Variants in TRIM9 observed in about 807,000 individuals in gnomAD.
TRIM9 encodes the protein E3 ubiquitin-protein ligase TRIM9.
In TRIM9, 26 loss-of-function variants were observed where a neutral mutation model predicts 78.3. That is an observed-to-expected ratio of 0.33 (90% CI 0.24 to 0.46). The LOEUF (loss-of-function observed/expected upper bound fraction) is 0.46. TRIM9 is among the 20% of genes least tolerant of loss of function. The probability of loss-of-function intolerance (pLI) is 1.00; values close to 1 mark genes in which losing one functional copy is unlikely to be tolerated. For synonymous variants in TRIM9, 398 were observed against 416.5 expected (o/e 0.96, Z 0.54); for missense variants, 787 against 1,036.4 (o/e 0.76, Z 3.30).
chr14:51,059,687 A>G (rs1007754970), intron 1 of TRIM9, among the ~76,000 whole-genome samples: 3 of 151,966 alleles, frequency 2.0e-5, no homozygotes, highest in African/African-American at 7.3e-5. Context: ...AGTCCTAGCT[A>G]CTTGGGAGGC....
At position 50,981,470 on chromosome 14, in the gene TRIM9, A is replaced by T. The variant is rs574595197; in HGVS notation, c.2162+330T>A. ...TTCAAAAAACGAAGTAACTTGCCCA[A>T]AAGTGCTTTTCTGTTAAGTTGTAGG... On this transcript the variant is annotated intron_variant, in intron 11 of 12. Coordinates refer to ENST00000684578, the MANE Select transcript of TRIM9 (RefSeq NM_001387360.1). 2.6e-5 allele frequency among the ~76,000 whole-genome samples: 4 copies of T among 152,310 alleles called. No homozygotes were observed. The South Asian group carries it at 8.3e-4, about 32-fold the overall frequency.
At chr14:50,979,149 T>C (rs1023868893) in intron 12 of TRIM9, 2 of 1,411,744 alleles carry the variant, frequency 1.4e-6, no homozygotes, top group Admixed American at 2.9e-5. Context: ...ATGAAGAGAA[T>C]TCTAGTTTCC....
chr14:50,996,196 C>T (rs1434133773), intron 7 of TRIM9: 15 of 983,968 alleles, frequency 1.5e-5, no homozygotes, highest in African/African-American at 1.7e-5. Context: ...TATTTGTACA[C>T]AATATATAAA....
chr14:50,985,880 A>G, intron 8 of TRIM9, 76 bp downstream of exon 8: 1 of 1,299,250 alleles, frequency 7.7e-7, no homozygotes, highest in Non-Finnish European at 1.0e-6. Flanking sequence ...CATGAATGGC[A>G]AGAACAAGAC....
intron 7 of TRIM9, among the ~76,000 whole-genome samples, chr14:50,993,849 AC>A (rs1400966542): frequency 7.9e-5 from 12 of 152,310 alleles, no homozygotes; most frequent in Admixed American, 7.2e-4. Context: ...CCTGGATCTG[AC>A]ATATTATTAT....
chr14:51,014,232 T>C (rs2056901151), intron 3 of TRIM9, among the ~76,000 whole-genome samples: 1 of 152,136 alleles, frequency 6.6e-6, no homozygotes, highest in Non-Finnish European at 1.5e-5. Flanking sequence ...TCAAGCATGG[T>C]TTATTGGGTG....
At chr14:50,996,800 G>C in intron 7 of TRIM9, 1 of 985,386 alleles carries the variant, frequency 1.0e-6, no homozygotes, top group Non-Finnish European at 1.2e-6. Context: ...ACTCCAAATG[G>C]GAACAGGTCA....
In TRIM9 at chr14:50,979,435, G is replaced by C; in HGVS notation, c.2277C>G (p.Asn759Lys). Residue 759 changes from asparagine to lysine, a missense_variant, in exon 12 of 13, where the codon AAC becomes AAG. By Grantham distance (94) the Asn-to-Lys change is moderately conservative (BLOSUM62 0). Coordinates refer to ENST00000684578, the MANE Select transcript of TRIM9 (RefSeq NM_001387360.1). ...CCGCAGGGAAGAAGAGGCCCTCCAC[G>C]TTATCAAATGCTATGGGACCTTGTT... is the stretch of plus-strand genomic sequence containing the variant. ...DEQQGPIAFD[N>K]VEGLFFPAVS... is the part of the protein sequence containing the mutation. The C allele has an allele frequency of 6.2e-7, 1 of 1,614,152 alleles. No homozygotes were observed. Among genetic ancestry groups the C allele is most frequent in the Non-Finnish European group, 8.5e-7 (1 of 1,180,026 alleles).
chr14:51,011,759 T>C (rs1361306151), intron 3 of TRIM9, among the ~76,000 whole-genome samples: 2 of 152,244 alleles, frequency 1.3e-5, no homozygotes, highest in Non-Finnish European at 2.9e-5. Flanking sequence ...ACTCTTATCA[T>C]TCTAGTGTAA....
intron 1 of TRIM9, among the ~76,000 whole-genome samples, chr14:51,044,255 GA>G (rs2059776614): frequency 6.6e-6 from 1 of 152,116 alleles, no homozygotes; most frequent in African/African-American, 2.4e-5. Context: ...ATATCCTTTG[GA>G]AGGGTCAACA....
chr14:51,073,317 G>A lies in TRIM9; in HGVS notation c.822+20801C>T, dbSNP rs1196121448. On this transcript the variant is annotated intron_variant, in intron 1 of 12. Coordinates refer to ENST00000684578, the MANE Select transcript of TRIM9 (RefSeq NM_001387360.1). ...TCCTAGGGATACAACCAACAGAAAT[G>A]CTTACATTTATGCACCAAAAGACAG... Among the ~76,000 whole-genome samples the A allele has an allele frequency of 2.6e-5, 4 of 152,106 alleles. No homozygotes were observed. The East Asian group carries it at 5.8e-4, about 22-fold the overall frequency.
intron 5 of TRIM9, among the ~76,000 whole-genome samples, chr14:51,007,925 T>C (rs1401632659): frequency 6.6e-6 from 1 of 152,138 alleles, no homozygotes; most frequent in Non-Finnish European, 1.5e-5. Flanking sequence ...TAGACAGCCC[T>C]AAGACTTACC....
In TRIM9 at chr14:51,038,354, G is replaced by A. The variant is rs1407704243; in HGVS notation, c.823-12994C>T. On this transcript the variant is annotated intron_variant, in intron 1 of 12. Coordinates refer to ENST00000684578, the MANE Select transcript of TRIM9 (RefSeq NM_001387360.1). Reference sequence around the variant, plus strand: ...CAGGAGTGCAAGGTAAAAAATCTATGTTGTTTTAAGTTGCTAAGTTTTTTG... The same window carrying A: ...CAGGAGTGCAAGGTAAAAAATCTATATTGTTTTAAGTTGCTAAGTTTTTTG... Among the ~76,000 whole-genome samples the A allele has an allele frequency of 1.3e-5, 2 of 152,156 alleles. 1 individual carries two copies. Among genetic ancestry groups the A allele is most frequent in the Admixed American group, 1.3e-4 (2 of 15,288 alleles).
intron 12 of TRIM9, chr14:50,978,848 G>A: frequency 1.1e-6 from 1 of 947,196 alleles, no homozygotes; most frequent in Admixed American, 6.1e-5. Context: ...TTTGCTGAAT[G>A]AATAAATGAG....
intron 10 of TRIM9, chr14:50,982,685 C>G (rs2052120896): frequency 2.0e-6 from 1 of 488,880 alleles, no homozygotes; most frequent in Non-Finnish European, 3.7e-6. Context: ...AGGTTGCTGT[C>G]TGCATAACTT....
chr14:51,053,010 A>C (rs1174768137), intron 1 of TRIM9, among the ~76,000 whole-genome samples: 1 of 152,104 alleles, frequency 6.6e-6, no homozygotes, highest in Non-Finnish European at 1.5e-5. Flanking sequence ...GTACAAGGAC[A>C]ACAGCCAGGT....
chr14:51,005,905 C>T (rs749365103), intron 5 of TRIM9, among the ~76,000 whole-genome samples: 25 of 152,240 alleles, frequency 1.6e-4, no homozygotes, highest in Middle Eastern at 3.4e-3. Flanking sequence ...CAGTTAAATC[C>T]GTAGCTAATA....
rs891492551 is a variant in TRIM9 at position 50,986,171 on chromosome 14, A to G, written c.1604-27T>C. On this transcript the variant is annotated intron_variant, in intron 7 of 12. Transcript: ENST00000684578. ...TAAATGTAAGATCAATGCAAACTAG[A>G]GATCAGAAGTCTGCTATTATGTCCC... 5.5e-6 allele frequency: 8 copies of G among 1,455,186 alleles called. No individual in the cohort carries two copies. In the African/African-American group the frequency reaches 1.0e-4, roughly 18 times the overall value. 90.1% of individuals were successfully genotyped at this position (1,455,186 alleles called of 1,614,324 possible).
intron 1 of TRIM9, among the ~76,000 whole-genome samples, chr14:51,058,842 A>C (rs1287990076): frequency 1.3e-5 from 2 of 152,268 alleles, no homozygotes; most frequent in Non-Finnish European, 2.9e-5. Flanking sequence ...CTTTTGGAAG[A>C]ATAAGAAAAA....
Sources: gnomAD v4.1 joint callset for allele counts (sites outside exome capture counted in the v4.1 genomes callset) on GRCh38, gnomAD v4.1.1 for gene constraint, MANE v1.5 for transcripts, NCBI Gene and HGNC (gene_info 2026-07-23, HGNC 2026-07-21) for gene names.